PSD3: variants seen among roughly 807,000 people sequenced by gnomAD.
PSD3 encodes PH and SEC7 domain-containing protein 3.
Under a neutral mutation model 105.5 loss-of-function variants are expected in PSD3, and 49 were observed. The observed-to-expected ratio is 0.46, with a 90% CI of 0.37 to 0.59. The LOEUF (loss-of-function observed/expected upper bound fraction) is 0.59, where lower values mean the gene tolerates loss of function less well. Ranked by LOEUF, PSD3 falls within the 20% of genes least tolerant of loss-of-function variation. PSD3 has a pLI of 0.00. For synonymous variants in PSD3, 557 were observed against 457.8 expected, an observed-to-expected ratio of 1.22 and a Z score of -2.77; for missense variants, 1,561 against 1,263.8, an observed-to-expected ratio of 1.24 and a Z score of -3.57.
chr8:18,916,813 A>G (rs1820642143), intron 2 of PSD3, among the ~76,000 whole-genome samples: 1 of 152,200 alleles, frequency 6.6e-6, no homozygotes, highest in Non-Finnish European at 1.5e-5. Context: ...GAATATATGT[A>G]TGAAGATATA....
intron 9 of PSD3, among the ~76,000 whole-genome samples, chr8:18,666,380 A>G (rs1434519757): frequency 6.6e-6 from 1 of 152,224 alleles, no homozygotes; most frequent in East Asian, 1.9e-4. Flanking sequence ...ATGCATACGG[A>G]CACCAAAAAA....
chr8:18,768,348 T>A (rs1807208305), intron 8 of PSD3, among the ~76,000 whole-genome samples: 1 of 152,090 alleles, frequency 6.6e-6, no homozygotes, highest in Admixed American at 6.6e-5. Context: ...CTCATGCCTA[T>A]AATCCCACAC....
intron 2 of PSD3, among the ~76,000 whole-genome samples, chr8:18,900,447 C>A (rs1429852385): frequency 6.6e-6 from 1 of 152,086 alleles, no homozygotes; most frequent in Non-Finnish European, 1.5e-5. Context: ...TGGCAGGTGA[C>A]CACAGCTGCA....
At chr8:18,937,417 T>C (rs1283077662) in intron 1 of PSD3, among the ~76,000 whole-genome samples, 2 of 152,212 alleles carry the variant, frequency 1.3e-5, no homozygotes, top group African/African-American at 2.4e-5. Flanking sequence ...GAAGTAACTA[T>C]TTCAAAGAGG....
In PSD3 at chr8:18,779,189, C is replaced by T. The variant is rs149330312; in HGVS notation, c.2083-13651G>A. 9.9e-5 allele frequency among the ~76,000 whole-genome samples: 15 copies of T among 152,196 alleles called. No homozygotes were observed. In the East Asian group the frequency reaches 2.5e-3, roughly 25 times the overall value. On this transcript the variant is annotated intron_variant, in intron 8 of 15. Transcript: ENST00000327040. ...TTCATGGCCAAATATTGGTAGTTTC[C>T]TCATGTCCAGGAATGAATCTGTTTC... is the stretch of plus-strand genomic sequence containing the variant.
intron 12 of PSD3, among the ~76,000 whole-genome samples, chr8:18,580,958 G>A (rs1034033231): frequency 6.6e-6 from 1 of 152,106 alleles, no homozygotes; most frequent in African/African-American, 2.4e-5. Flanking sequence ...GTAACAACCA[G>A]AACTGGAACA....
At chr8:18,544,171 C>CAAAAAAAAAAAAAAAAAAAAA (rs201016537) in intron 15 of PSD3, among the ~76,000 whole-genome samples, 12 of 106,722 alleles carry the variant, frequency 1.1e-4, no homozygotes, top group East Asian at 8.7e-4. Context: ...AGAAACAAAC[C>CAAAAAAAAAAAAAAAAAAAAA]AAAAAAAAAA....
At chr8:18,749,479 T>A (rs1805299147) in intron 9 of PSD3, among the ~76,000 whole-genome samples, 1 of 152,084 alleles carries the variant, frequency 6.6e-6, no homozygotes, top group Non-Finnish European at 1.5e-5. Flanking sequence ...CCCCTAAGAG[T>A]CTCATCCCTT....
At chr8:19,067,757 G>A (rs545349098) in intron 1 of PSD3, among the ~76,000 whole-genome samples, 10 of 152,300 alleles carry the variant, frequency 6.6e-5, no homozygotes, top group South Asian at 4.1e-4. Context: ...CAGCAGTTGC[G>A]TCTGCATGAC....
chr8:19,040,390 A>G (rs575606114), intron 1 of PSD3, among the ~76,000 whole-genome samples: 2 of 152,176 alleles, frequency 1.3e-5, no homozygotes, highest in East Asian at 3.9e-4. Context: ...TGTTTTGTAG[A>G]GACGGGGGTC....
chr8:18,682,783 A>G (rs948718057), intron 9 of PSD3, among the ~76,000 whole-genome samples: 2 of 151,786 alleles, frequency 1.3e-5, no homozygotes, highest in African/African-American at 4.8e-5. Context: ...AGGGATGGGG[A>G]GGTAGCAGAG....
chr8:19,038,386 C>T (rs2129476589), intron 1 of PSD3, among the ~76,000 whole-genome samples: 1 of 152,276 alleles, frequency 6.6e-6, no homozygotes, highest in East Asian at 1.9e-4. Flanking sequence ...CAAGAGAAGT[C>T]TTCTTCCTGT....
chr8:18,944,884 C>T (rs114263305), intron 1 of PSD3, among the ~76,000 whole-genome samples: 1,926 of 152,200 alleles, frequency 0.013, 32 homozygotes, highest in African/African-American at 0.044. Context: ...TACTTTCTCA[C>T]GCCACAGAAT....
At chr8:18,965,263 G>A (rs1044192929) in intron 1 of PSD3, among the ~76,000 whole-genome samples, 1 of 152,132 alleles carries the variant, frequency 6.6e-6, no homozygotes, top group Non-Finnish European at 1.5e-5. Flanking sequence ...GCTGGCAACT[G>A]ACTTTCACAC....
At chr8:18,632,120 C>G (rs1806946247) in intron 11 of PSD3, among the ~76,000 whole-genome samples, 2 of 152,060 alleles carry the variant, frequency 1.3e-5, no homozygotes, top group Non-Finnish European at 2.9e-5. Context: ...TACATCTCAC[C>G]TGTCCACCTT....
intron 4 of PSD3, among the ~76,000 whole-genome samples, chr8:18,806,719 CATGG>C (rs1262016477): frequency 2.6e-5 from 4 of 152,192 alleles, no homozygotes; most frequent in Non-Finnish European, 5.9e-5. Flanking sequence ...GAATTGGGCC[CATGG>C]ATGGGAGTTT....
chr8:18,722,712 A>C (rs1803070048), intron 9 of PSD3, among the ~76,000 whole-genome samples: 1 of 152,160 alleles, frequency 6.6e-6, no homozygotes, highest in Non-Finnish European at 1.5e-5. Context: ...GGAGAAAAGC[A>C]TACTGACCTC....
chr8:19,067,326 T>C (rs1018674309), intron 1 of PSD3, among the ~76,000 whole-genome samples: 1 of 152,150 alleles, frequency 6.6e-6, no homozygotes, highest in Non-Finnish European at 1.5e-5. Flanking sequence ...TCACAGAATC[T>C]GAGAGTTGGG....
At chr8:18,668,029 C>T (rs910080327) in intron 9 of PSD3, among the ~76,000 whole-genome samples, 5 of 152,234 alleles carry the variant, frequency 3.3e-5, no homozygotes, top group African/African-American at 1.2e-4. Context: ...GGCCCGCAAG[C>T]TCCGCGCGCA....
Sources: gnomAD v4.1 joint callset for allele counts (sites outside exome capture counted in the v4.1 genomes callset) on GRCh38, gnomAD v4.1.1 for gene constraint, MANE v1.5 for transcripts, NCBI Gene and HGNC (gene_info 2026-07-23, HGNC 2026-07-21) for gene names.